The following ANKS1A variants were observed in gnomAD, a reference collection of about 807,000 sequenced individuals.
The protein encoded by ANKS1A is ankyrin repeat and SAM domain-containing protein 1A.
ANKS1A carries 55 observed loss-of-function variants against 120.3 expected under a neutral mutation model. The ratio of observed to expected loss-of-function variants is 0.46; its 90% CI spans 0.37 to 0.57. ANKS1A has a LOEUF of 0.57. Among genes scored for constraint, ANKS1A ranks in the 20% least tolerant of loss-of-function variants. The pLI is 0.00. For missense variants in ANKS1A, 1,123 were observed against 1,480.3 expected (o/e 0.76, Z 3.96); for synonymous variants, 590 against 604.7 (o/e 0.98, Z 0.36).
Position 35,084,471 on chromosome 6 carries a change from A to G in ANKS1A, c.3132+213A>G, listed in dbSNP as rs1476347405. On this transcript the variant is annotated intron_variant, in intron 21 of 23. Coordinates refer to ENST00000360359, the MANE Select transcript of ANKS1A (RefSeq NM_015245.3). The surrounding 1 kb of genome is among the most constrained non-coding windows in gnomAD (Gnocchi z 4.8). ...GAGGGAACAGGGACTGGCCCAGGGCACTAGGGACAGGAGGTTCCAGCTTTT... is the reference window on the plus strand; with the variant it reads ...GAGGGAACAGGGACTGGCCCAGGGCGCTAGGGACAGGAGGTTCCAGCTTTT... Among the ~76,000 whole-genome samples the G allele has an allele frequency of 3.3e-5, 5 of 149,386 alleles. No homozygotes were observed. Among genetic ancestry groups the G allele is most frequent in the African/African-American group, 1.2e-4 (5 of 40,726 alleles).
chr6:34,971,434 T>G lies in ANKS1A; in HGVS notation c.435+1268T>G, dbSNP rs9357190. ...CAAATACAACTCCCTGTCATTTGGG[T>G]TGGAAGTTGTGTGCAAGTTTGAGAG... On this transcript the variant is annotated intron_variant, in intron 3 of 23. Transcript: ENST00000360359. 1.1e-4 allele frequency among the ~76,000 whole-genome samples: 17 copies of G among 152,308 alleles called. No homozygotes were observed. The East Asian group carries it at 3.3e-3, about 29-fold the overall frequency.
chr6:34,922,637 C>G (rs1027366268), intron 1 of ANKS1A, among the ~76,000 whole-genome samples: 1 of 151,924 alleles, frequency 6.6e-6, no homozygotes, highest in African/African-American at 2.4e-5. Context: ...TTGACTGTGT[C>G]CCTGTGAGCA....
chr6:35,052,609 TAAAAA>T (rs59378149), intron 11 of ANKS1A, among the ~76,000 whole-genome samples: 2 of 102,432 alleles, frequency 2.0e-5, no homozygotes, highest in African/African-American at 4.0e-5. Context: ...TCTTCTCTGT[TAAAAA>T]AAAAAAAAAA....
chr6:35,004,290 G>A (rs1386691253), intron 10 of ANKS1A, among the ~76,000 whole-genome samples: 5 of 152,008 alleles, frequency 3.3e-5, no homozygotes, highest in Non-Finnish European at 7.4e-5. Flanking sequence ...GGTTTTGTCC[G>A]CAGCTGGTCC....
At chr6:35,024,197 G>T (rs1323811444) in intron 11 of ANKS1A, among the ~76,000 whole-genome samples, 5 of 152,152 alleles carry the variant, frequency 3.3e-5, no homozygotes, top group African/African-American at 1.2e-4. Context: ...CTTTTGGTAT[G>T]TCTTTATCCT....
At position 35,050,732 on chromosome 6, in the gene ANKS1A, C is replaced by T. The variant is rs1414049996; in HGVS notation, c.2011-3367C>T. 2.0e-5 allele frequency among the ~76,000 whole-genome samples: 3 copies of T among 152,206 alleles called. No individual in the cohort carries two copies. Among genetic ancestry groups the T allele is most frequent in the African/African-American group, 7.2e-5 (3 of 41,454 alleles). ...CTGAGGGCTTGGGCAGACCACAGCT[C>T]CAGACACTCTGTGGTGCCAGGGTGG... On this transcript the variant is annotated intron_variant, in intron 11 of 23. Coordinates refer to ENST00000360359, the MANE Select transcript of ANKS1A (RefSeq NM_015245.3). The surrounding 1 kb of genome is among the most constrained non-coding windows in gnomAD (Gnocchi z 4.3).
intron 10 of ANKS1A, 84 bp from the exon 11 acceptor site, chr6:35,017,389 T>G: frequency 7.1e-7 from 1 of 1,400,746 alleles, no homozygotes; most frequent in Non-Finnish European, 9.7e-7. Context: ...TTCCTCTGCT[T>G]TGCCATATGC....
At chr6:34,938,917 G>A (rs1469570397) in intron 1 of ANKS1A, among the ~76,000 whole-genome samples, 2 of 152,224 alleles carry the variant, frequency 1.3e-5, no homozygotes, top group Non-Finnish European at 2.9e-5. Flanking sequence ...GAACCCGGGA[G>A]GTGGAGGTTA....
chr6:34,892,705 G>C (rs1766881772), intron 1 of ANKS1A, among the ~76,000 whole-genome samples: 1 of 152,184 alleles, frequency 6.6e-6, no homozygotes, highest in Non-Finnish European at 1.5e-5. Flanking sequence ...AGCCCTTCCT[G>C]ATGACCCTAA....
chr6:34,990,024 A>G, intron 9 of ANKS1A, among the ~76,000 whole-genome samples: 1 of 152,232 alleles, frequency 6.6e-6, no homozygotes, highest in Non-Finnish European at 1.5e-5. Context: ...ATATTACATA[A>G]TTTTATTAGT....
chr6:35,091,361 A>T lies in ANKS1A; in HGVS notation c.*2752A>T. Reference sequence around the variant, plus strand: ...TTTTGTTATTTTCATAACTGTACACAACTTAGAACAGACTGAATTAATAAA... The same window carrying T: ...TTTTGTTATTTTCATAACTGTACACTACTTAGAACAGACTGAATTAATAAA... On this transcript the variant is annotated 3_prime_UTR_variant, in exon 24 of 24. Coordinates refer to ENST00000360359, the MANE Select transcript of ANKS1A (RefSeq NM_015245.3). 3.0e-6 allele frequency: 3 copies of T among 985,526 alleles called. No individual in the cohort carries two copies. The highest frequency in any genetic ancestry group is 3.6e-6 in the Non-Finnish European group (3 of 829,912). The allele number at this position is 985,526 out of a possible 1,614,324, so 61.0% of individuals were successfully genotyped here.
intron 3 of ANKS1A, among the ~76,000 whole-genome samples, chr6:34,977,134 T>C (rs2127522032): frequency 1.3e-5 from 2 of 152,338 alleles, no homozygotes; most frequent in South Asian, 4.1e-4. Flanking sequence ...TAGCCTTTCA[T>C]GACATGGATG....
At chr6:35,075,560 C>T (rs765642453) in intron 13 of ANKS1A, among the ~76,000 whole-genome samples, 2 of 151,860 alleles carry the variant, frequency 1.3e-5, no homozygotes, top group African/African-American at 4.8e-5. Context: ...GGATTACAGG[C>T]GTCCGCCACC....
At chr6:34,912,950 G>T (rs1383165410) in intron 1 of ANKS1A, among the ~76,000 whole-genome samples, 1 of 152,096 alleles carries the variant, frequency 6.6e-6, no homozygotes, top group East Asian at 1.9e-4. Context: ...TCACCATTTG[G>T]TTCCTTAAGG....
In ANKS1A at chr6:34,895,985, C is replaced by T. The variant is rs149340619; in HGVS notation, c.197+6386C>T. ...TTCACTGTGTTGCCCAGGCTGGTCT[C>T]GAACTCCTGAGCTCAGGCAGTCTAC... On this transcript the variant is annotated intron_variant, in intron 1 of 23. Coordinates refer to ENST00000360359, the MANE Select transcript of ANKS1A (RefSeq NM_015245.3). Among the ~76,000 whole-genome samples the T allele has an allele frequency of 6.0e-3, 903 of 151,084 alleles. 10 individuals carry two copies. The highest frequency in any genetic ancestry group is 0.021 in the African/African-American group (860 of 41,190).
Position 35,090,754 on chromosome 6 carries a change from C to A in ANKS1A, c.*2145C>A. ...TGCACTTCTCCAAGTGCAGGTCACACCAGGGGCAGACCCTGTCGCTGCGTT... is the reference window on the plus strand; with the variant it reads ...TGCACTTCTCCAAGTGCAGGTCACAACAGGGGCAGACCCTGTCGCTGCGTT... On this transcript the variant is annotated 3_prime_UTR_variant, in exon 24 of 24. Coordinates refer to ENST00000360359, the MANE Select transcript of ANKS1A (RefSeq NM_015245.3). 1.0e-6 allele frequency: 1 copy of A among 986,742 alleles called. No homozygotes were observed. Among genetic ancestry groups the A allele is most frequent in the African/African-American group, 1.7e-5 (1 of 57,262 alleles). The allele number at this position is 986,742 out of a possible 1,614,324, so 61.1% of individuals were successfully genotyped here.
chr6:34,985,546 G>C (rs1333217298), intron 8 of ANKS1A, among the ~76,000 whole-genome samples: 6 of 152,252 alleles, frequency 3.9e-5, no homozygotes, highest in Non-Finnish European at 5.9e-5. Context: ...ATTGGCCTTA[G>C]AGCAAATTAA....
At position 35,079,641 on chromosome 6, in the gene ANKS1A, G is replaced by T. The variant is rs1777556653; in HGVS notation, c.2409G>T (p.Lys803Asn). ...GTTACAGCTCCATTGACACCGTGAA[G>T]AACCTCTGGGAGCTAGAGCTCGTCA... ...SSGYSSIDTV[K>N]NLWELELVNV... Residue 803 changes from lysine to asparagine, a missense_variant, in exon 15 of 24, where the codon AAG becomes AAT. By Grantham distance (94) the Lys-to-Asn change is moderately conservative (BLOSUM62 0). This residue lies in a region of ANKS1A where 904 missense variants were observed against 1,130.4 expected (regional missense o/e 0.80). Coordinates refer to ENST00000360359, the MANE Select transcript of ANKS1A (RefSeq NM_015245.3). The T allele has an allele frequency of 6.2e-7, 1 of 1,614,182 alleles. No homozygotes were observed. The highest frequency in any genetic ancestry group is 8.5e-7 in the Non-Finnish European group (1 of 1,180,030).
chr6:35,073,251 G>A (rs140643311), intron 13 of ANKS1A, among the ~76,000 whole-genome samples: 1 of 152,286 alleles, frequency 6.6e-6, no homozygotes, highest in East Asian at 1.9e-4. Context: ...CTCTTGTTAT[G>A]CCCAGAGCTC....
Sources: gnomAD v4.1 joint callset for allele counts (sites outside exome capture counted in the v4.1 genomes callset) on GRCh38, gnomAD v4.1.1 for gene constraint, gnomAD v4.1.1 regional missense constraint, Gnocchi (gnomAD v3.1) non-coding constraint, MANE v1.5 for transcripts, NCBI Gene and HGNC (gene_info 2026-07-23, HGNC 2026-07-21) for gene names.